DMD: variants seen among roughly 807,000 people sequenced by gnomAD.
DMD encodes dystrophin.
A neutral mutation model predicts 330.1 loss-of-function variants in DMD; 63 were observed. That is an observed-to-expected ratio of 0.19 (90% confidence interval 0.16 to 0.24). DMD has a LOEUF of 0.24. Among genes scored for constraint, DMD ranks in the 10% least tolerant of loss-of-function variants. DMD has a pLI of 1.00. For synonymous variants in DMD, 1,223 were observed against 959.8 expected (o/e 1.27, Z -5.07); for missense variants, 3,344 against 2,684.1 (o/e 1.25, Z -5.43).
chrX:31,583,897 A>C lies in DMD; in HGVS notation c.8217+43776T>G, dbSNP rs749027100. On this transcript the variant is annotated intron_variant, in intron 55 of 78. Transcript: ENST00000357033. The stretch of plus-strand genomic sequence containing the variant: ...AACATTAGGTGTATCTCCAAATGCT[A>C]TCCCTCCCCCCTCCCCCGACCCCAC... Among the ~76,000 whole-genome samples, 35 of 87,329 alleles carry C rather than the reference A, an allele frequency of 4.0e-4. 1 individual carries two copies. Among genetic ancestry groups the C allele is most frequent in the African/African-American group, 1.4e-3 (34 of 24,173 alleles). 75.8% of individuals were successfully genotyped at this position (87,329 alleles called of 115,157 possible).
At chrX:31,817,335 CT>C (rs2085557025) in intron 50 of DMD, among the ~76,000 whole-genome samples, 1 of 111,060 alleles carries the variant, frequency 9.0e-6, no homozygotes, top group South Asian at 3.8e-4. Flanking sequence ...GCATTTATTT[CT>C]GATTAACTTC....
At chrX:31,528,555 TCTG>T (rs1340221835) in intron 55 of DMD, among the ~76,000 whole-genome samples, 1 of 112,500 alleles carries the variant, frequency 8.9e-6, no homozygotes, top group African/African-American at 3.2e-5. Flanking sequence ...AACTTACCTC[TCTG>T]CTGTCAGCAC....
At chrX:33,096,119 C>T (rs778748782) in intron 1 of DMD, among the ~76,000 whole-genome samples, 6 of 108,734 alleles carry the variant, frequency 5.5e-5, no homozygotes, top group Admixed American at 9.9e-5. Context: ...GGTCTACAGG[C>T]GCCTGCCACC....
rs149930142 is a variant in DMD, at chrX:31,607,191, A to G, written c.8217+20482T>C. 6.1e-3 allele frequency among the ~76,000 whole-genome samples: 682 copies of G among 111,837 alleles called. 1 individual carries two copies. Among genetic ancestry groups the G allele is most frequent in the Non-Finnish European group, 9.4e-3 (500 of 53,062 alleles). On this transcript the variant is annotated intron_variant, in intron 55 of 78. Transcript: ENST00000357033. ...AACTAATCCTGAGAACCTATGAACA[A>G]TAATGGTGGATATGCAGATTCACAT...
chrX:33,269,453 C>T (rs5928218), intron 1 of DMD, among the ~76,000 whole-genome samples: 1 of 109,385 alleles, frequency 9.1e-6, no homozygotes, highest in Non-Finnish European at 1.9e-5. Context: ...GAGGGACCGG[C>T]GGGGAAGGAG....
At chrX:33,008,313 G>C (rs984152) in intron 2 of DMD, among the ~76,000 whole-genome samples, 17,878 of 110,695 alleles carry the variant, frequency 0.16, 2,003 homozygotes, top group African/African-American at 0.39. Flanking sequence ...TACAGTTAAA[G>C]TTATATCAGT....
At position 31,121,812 on chromosome X, in the gene DMD, G is replaced by GAATC. The variant is rs1569285901; in HGVS notation, c.*103_*106dup. 9.7e-7 allele frequency: 1 copy of GAATC among 1,031,459 alleles called. No homozygotes were observed. The highest frequency in any genetic ancestry group is 1.4e-6 in the Non-Finnish European group (1 of 731,643). 85.0% of individuals were successfully genotyped at this position (1,031,459 alleles called of 1,213,427 possible). A position where few individuals can be genotyped will look rare whatever the true frequency, so the allele number is the denominator to read the frequency against. ...TATGAATATTATAAAAACCATGCGG[G>GAATC]AATCAGGAGTTGTAAAACATTTATT... On this transcript the variant is annotated 3_prime_UTR_variant, in exon 79 of 79. Coordinates refer to ENST00000357033, the MANE Select transcript of DMD (RefSeq NM_004006.3).
chrX:31,870,884 T>C (rs2093879621), intron 48 of DMD, among the ~76,000 whole-genome samples: 1 of 111,755 alleles, frequency 8.9e-6, no homozygotes, highest in Admixed American at 9.5e-5. Flanking sequence ...TCACTAAGCC[T>C]TAACATAAAA....
chrX:32,457,689 C>T (rs1004917649), intron 25 of DMD, among the ~76,000 whole-genome samples: 4 of 78,536 alleles, frequency 5.1e-5, no homozygotes, highest in African/African-American at 1.9e-4. Context: ...TATATTTTCT[C>T]GGTAAAACAA....
At chrX:32,078,213 C>T (rs758494693) in intron 44 of DMD, among the ~76,000 whole-genome samples, 2 of 106,835 alleles carry the variant, frequency 1.9e-5, no homozygotes, top group South Asian at 8.0e-4. Context: ...AATGGTAATA[C>T]CCTCATCATA....
chrX:32,593,287 G>T (rs914584074), intron 13 of DMD, among the ~76,000 whole-genome samples: 1 of 112,578 alleles, frequency 8.9e-6, no homozygotes, highest in African/African-American at 3.2e-5. Context: ...CTTTCCTCAG[G>T]AATCATCTGT....
chrX:32,769,616 G>C (rs761324655), intron 7 of DMD, among the ~76,000 whole-genome samples: 9 of 111,767 alleles, frequency 8.1e-5, no homozygotes, highest in Non-Finnish European at 1.5e-4. Context: ...ATCACACTTT[G>C]TTTCTGATGA....
At chrX:31,432,013 C>T (rs2064127863) in intron 60 of DMD, among the ~76,000 whole-genome samples, 1 of 110,295 alleles carries the variant, frequency 9.1e-6, no homozygotes, top group Non-Finnish European at 1.9e-5. Flanking sequence ...CGGGGTTTTA[C>T]CATGTTGGTC....
At chrX:33,238,508 A>ATG (rs1569559042) in intron 1 of DMD, among the ~76,000 whole-genome samples, 1 of 110,492 alleles carries the variant, frequency 9.1e-6, no homozygotes, top group African/African-American at 3.3e-5. Flanking sequence ...TTGTGTGTGT[A>ATG]TGTGTGTGTG....
chrX:32,362,773 A>G lies in DMD; in HGVS notation c.5325+15T>C, dbSNP rs1386823175. On this transcript the variant is annotated intron_variant, in intron 37 of 78. Transcript: ENST00000357033. The stretch of plus-strand genomic sequence containing the variant: ...CATTTAGCACAAGTTTCCACCTTGG[A>G]GTAGATCTTCCTACCTTTCCAGTCT... 1 of 1,210,045 alleles carries G rather than the reference A, an allele frequency of 8.3e-7. No homozygotes were observed. Among genetic ancestry groups the G allele is most frequent in the Non-Finnish European group, 1.1e-6 (1 of 894,370 alleles).
At chrX:31,480,374 G>A (rs139833979) in intron 57 of DMD, among the ~76,000 whole-genome samples, 73 of 111,690 alleles carry the variant, frequency 6.5e-4, no homozygotes, top group Non-Finnish European at 1.2e-3. Flanking sequence ...AAGGGAAGGC[G>A]TTTGAACCAA....
intron 7 of DMD, among the ~76,000 whole-genome samples, chrX:32,785,365 G>T (rs1186865901): frequency 9.0e-6 from 1 of 111,067 alleles, no homozygotes; most frequent in African/African-American, 3.3e-5. Context: ...CATTCCATCT[G>T]CAAGATTAAA....
At chrX:32,351,089 T>C (rs2097780215) in intron 37 of DMD, among the ~76,000 whole-genome samples, 1 of 110,746 alleles carries the variant, frequency 9.0e-6, no homozygotes, top group Non-Finnish European at 1.9e-5. Flanking sequence ...TAAGATCAAA[T>C]ATGTTAGAAT....
In DMD at chrX:32,022,886, G is replaced by T. The variant is rs759774168; in HGVS notation, c.6439-54372C>A. 3.0e-3 allele frequency among the ~76,000 whole-genome samples: 309 copies of T among 104,387 alleles called. 7 individuals carry two copies. The highest frequency in any genetic ancestry group is 9.7e-3 in the African/African-American group (272 of 28,048). 90.6% of individuals were successfully genotyped at this position (104,387 alleles called of 115,157 possible). On this transcript the variant is annotated intron_variant, in intron 44 of 78. Transcript: ENST00000357033. Reference sequence around the variant, plus strand: ...TTGCTCTTGTCGCCCAGGCTGGAGTGCAATGGCACGATCTCGGCTCACTGC... The same window carrying T: ...TTGCTCTTGTCGCCCAGGCTGGAGTTCAATGGCACGATCTCGGCTCACTGC...
Sources: gnomAD v4.1 joint callset for allele counts (sites outside exome capture counted in the v4.1 genomes callset) on GRCh38, gnomAD v4.1.1 for gene constraint, MANE v1.5 for transcripts, NCBI Gene and HGNC (gene_info 2026-07-23, HGNC 2026-07-21) for gene names.